The following SIDT1 variants were observed in gnomAD, a reference collection of about 807,000 sequenced individuals.
The protein encoded by SIDT1 is SID1 transmembrane family member 1, also known as SID1 transmembrane family, member 1.
SIDT1 carries 101 observed loss-of-function variants against 107.5 expected under a neutral mutation model. The ratio of observed to expected loss-of-function variants is 0.94; its 90% CI spans 0.80 to 1.11. The LOEUF is 1.11. SIDT1 is among the 50% of genes least tolerant of loss of function. The probability of loss-of-function intolerance (pLI) is 0.00; values close to 1 mark genes in which losing one functional copy is unlikely to be tolerated. For synonymous variants in SIDT1, 395 were observed against 398.2 expected, an observed-to-expected ratio of 0.99 and a Z score of 0.10; for missense variants, 1,076 against 1,058.2, an observed-to-expected ratio of 1.02 and a Z score of -0.23.
chr3:113,534,361 C>G (rs1937856649), intron 1 of SIDT1, among the ~76,000 whole-genome samples: 1 of 152,214 alleles, frequency 6.6e-6, no homozygotes, highest in Admixed American at 6.5e-5. Context: ...TAGACATCTT[C>G]CAGCTGTGTG....
intron 21 of SIDT1, among the ~76,000 whole-genome samples, chr3:113,621,996 AG>A (rs1226469029): frequency 1.3e-5 from 2 of 152,244 alleles, no homozygotes; most frequent in Non-Finnish European, 2.9e-5. Context: ...GGAACAGTGC[AG>A]GCTAGCCTAA....
intron 3 of SIDT1, among the ~76,000 whole-genome samples, chr3:113,571,343 A>G (rs1378677327): frequency 6.6e-6 from 1 of 152,172 alleles, no homozygotes; most frequent in African/African-American, 2.4e-5. Context: ...GATTGAGCCC[A>G]GGAGTTTGTG....
At chr3:113,555,129 T>C (rs765905828) in intron 1 of SIDT1, among the ~76,000 whole-genome samples, 1 of 152,218 alleles carries the variant, frequency 6.6e-6, no homozygotes, top group Non-Finnish European at 1.5e-5. Flanking sequence ...TCTTCAAATA[T>C]GCTTCTCTCA....
At chr3:113,547,684 G>A (rs767433201) in intron 1 of SIDT1, among the ~76,000 whole-genome samples, 4 of 152,092 alleles carry the variant, frequency 2.6e-5, no homozygotes, top group Non-Finnish European at 5.9e-5. Context: ...TTCCTGATAA[G>A]AAAGCTATTT....
At chr3:113,603,382 C>T (rs2107672795) in intron 12 of SIDT1, among the ~76,000 whole-genome samples, 1 of 152,226 alleles carries the variant, frequency 6.6e-6, no homozygotes, top group Middle Eastern at 3.4e-3. Flanking sequence ...TTAAAACACT[C>T]TTAAGGTCTG....
intron 1 of SIDT1, among the ~76,000 whole-genome samples, chr3:113,542,491 T>C (rs1363930743): frequency 6.6e-6 from 1 of 152,166 alleles, no homozygotes; most frequent in Non-Finnish European, 1.5e-5. Flanking sequence ...CTTAAGACAT[T>C]ATCACGATAT....
chr3:113,568,335 C>T (rs1210471095), intron 3 of SIDT1, among the ~76,000 whole-genome samples: 1 of 152,092 alleles, frequency 6.6e-6, no homozygotes, highest in African/African-American at 2.4e-5. Context: ...GTGGCTCACT[C>T]CTGTAATCCT....
At position 113,612,175 on chromosome 3, in the gene SIDT1, T is replaced by C; in HGVS notation, c.1947T>C (p.Tyr649=). The change falls in exon 19 of 25, where the codon TAT becomes TAC. Residue 649 remains tyrosine (Y), a synonymous_variant. Coordinates refer to ENST00000264852, the MANE Select transcript of SIDT1 (RefSeq NM_017699.3). The stretch of plus-strand genomic sequence containing the variant: ...TAGCCCTCAGCACCCAGATATATTA[T>C]ATGGGTCGTTTCAAGATAGGTGAGT... The part of the protein sequence containing the change: ...ASLALSTQIY[Y]MGRFKIDLGI... The C allele has an allele frequency of 6.2e-7, 1 of 1,613,528 alleles. No homozygotes were observed. Among genetic ancestry groups the C allele is most frequent in the Non-Finnish European group, 8.5e-7 (1 of 1,179,452 alleles).
chr3:113,568,509 GC>G (rs1485459765), intron 3 of SIDT1, among the ~76,000 whole-genome samples: 5 of 151,134 alleles, frequency 3.3e-5, no homozygotes, highest in African/African-American at 1.2e-4. Flanking sequence ...CAGGAGAATG[GC>G]ATGAACCTGG....
At chr3:113,560,085 C>T (rs774399193) in intron 1 of SIDT1, among the ~76,000 whole-genome samples, 7 of 152,186 alleles carry the variant, frequency 4.6e-5, no homozygotes, top group East Asian at 1.9e-4. Flanking sequence ...TGGAGAGGTG[C>T]CATCATGTCT....
At chr3:113,596,339 C>T (rs903587761) in intron 10 of SIDT1, among the ~76,000 whole-genome samples, 2 of 152,150 alleles carry the variant, frequency 1.3e-5, no homozygotes, top group Admixed American at 6.5e-5. Flanking sequence ...AAAATCTGTG[C>T]GCTACTCTGC....
intron 9 of SIDT1, among the ~76,000 whole-genome samples, chr3:113,591,341 T>C (rs1191610121): frequency 6.6e-6 from 1 of 152,180 alleles, no homozygotes; most frequent in Non-Finnish European, 1.5e-5. Context: ...AGTAGGAAAC[T>C]AATATACATG....
chr3:113,533,033 C>G lies in SIDT1; in HGVS notation c.12C>G (p.Cys4Trp). The change falls in exon 1 of 25, where the codon TGC (cysteine) becomes TGG (tryptophan). Residue 4 changes from cysteine (C) to tryptophan (W), a missense_variant. Coordinates refer to ENST00000264852, the MANE Select transcript of SIDT1 (RefSeq NM_017699.3). The part of the protein sequence containing the change: MRG[C>W]LRLALLCALP... ...GCGCGGTGCCCACCATGCGCGGCTGCCTGCGGCTCGCGCTGCTCTGCGCGC... is the reference window on the plus strand; with the variant it reads ...GCGCGGTGCCCACCATGCGCGGCTGGCTGCGGCTCGCGCTGCTCTGCGCGC... 2.9e-6 allele frequency: 4 copies of G among 1,374,344 alleles called. No individual in the cohort carries two copies. Among genetic ancestry groups the G allele is most frequent in the Non-Finnish European group, 3.7e-6 (4 of 1,067,948 alleles). The allele number at this position is 1,374,344 out of a possible 1,614,324, so 85.1% of individuals were successfully genotyped here.
intron 1 of SIDT1, among the ~76,000 whole-genome samples, chr3:113,556,749 C>T (rs552276580): frequency 3.3e-5 from 5 of 151,334 alleles, no homozygotes; most frequent in Non-Finnish European, 7.4e-5. Context: ...GTTTATCCTG[C>T]TGGAAAGTTC....
chr3:113,563,329 C>T (rs62265514), intron 1 of SIDT1, among the ~76,000 whole-genome samples: 6 of 152,052 alleles, frequency 3.9e-5, no homozygotes, highest in African/African-American at 1.2e-4. Flanking sequence ...TGATTGCAAA[C>T]GGATTAGAGG....
rs780732338 is a variant in SIDT1 at position 113,566,519 on chromosome 3, G to T, written c.322G>T (p.Val108Phe). ...GCAGAAAGAGGTGCTGTCCTGGCAG[G>T]TTCCTCTGCTCTTCCAAGGACTGTA... is the stretch of plus-strand genomic sequence containing the variant. ...RQQKEVLSWQ[V>F]PLLFQGLYQR... Residue 108 changes from valine (V) to phenylalanine (F), a missense_variant, in exon 2 of 25, where the codon GTT becomes TTT. Val to Phe is a conservative substitution (Grantham distance 50). Coordinates refer to ENST00000264852, the MANE Select transcript of SIDT1 (RefSeq NM_017699.3). The T allele has an allele frequency of 3.1e-6, 5 of 1,613,888 alleles. No homozygotes were observed. The highest frequency in any genetic ancestry group is 4.2e-6 in the Non-Finnish European group (5 of 1,179,956).
chr3:113,625,550 G>A (rs138238702), intron 23 of SIDT1, among the ~76,000 whole-genome samples: 4 of 152,076 alleles, frequency 2.6e-5, no homozygotes, highest in Admixed American at 6.5e-5. Flanking sequence ...CCACATCCTC[G>A]CCAGCATCTG....
intron 9 of SIDT1, among the ~76,000 whole-genome samples, chr3:113,590,729 T>TA (rs1012435076): frequency 6.6e-6 from 1 of 152,106 alleles, no homozygotes; most frequent in African/African-American, 2.4e-5. Flanking sequence ...CAAAAAATAA[T>TA]AAAATATTTT....
chr3:113,532,945 G>C lies in SIDT1; in HGVS notation c.-77G>C, dbSNP rs1301882976. The C allele has an allele frequency of 1.7e-5, 18 of 1,042,558 alleles. No individual in the cohort carries two copies. The highest frequency in any genetic ancestry group is 2.0e-5 in the Non-Finnish European group (16 of 793,236). The allele number at this position is 1,042,558 out of a possible 1,614,324, so 64.6% of individuals were successfully genotyped here. ...GAAGCGGACGCCTGGCCCTGCACCG[G>C]GCTTTGGAAGGACCCTCTCTGCGCT... On this transcript the variant is annotated 5_prime_UTR_variant, in exon 1 of 25. Transcript: ENST00000264852.
Sources: allele counts gnomAD v4.1 joint callset (sites outside exome capture counted in the v4.1 genomes callset), GRCh38; gene constraint gnomAD v4.1.1; transcripts MANE v1.5; gene names NCBI Gene and HGNC (gene_info 2026-07-23, HGNC 2026-07-21).